GATD1: variants seen among roughly 807,000 people sequenced by gnomAD.
GATD1 encodes glutamine amidotransferase class 1 domain containing 1.
A neutral mutation model predicts 25.9 loss-of-function variants in GATD1; 23 were observed. The observed-to-expected ratio is 0.89, with a 90% CI of 0.64 to 1.26. The LOEUF (loss-of-function observed/expected upper bound fraction) is 1.26, where lower values mean the gene tolerates loss of function less well. Among genes scored for constraint, GATD1 ranks in the 50% most tolerant of loss-of-function variants. The pLI is 0.00. For missense variants in GATD1, 347 were observed against 312.5 expected, an observed-to-expected ratio of 1.11 and a Z score of -0.83; for synonymous variants, 177 against 134.6, an observed-to-expected ratio of 1.31 and a Z score of -2.18.
At chr11:776,728 G>T (rs1490415434) in intron 1 of GATD1, 5 of 152,344 alleles carry the variant, frequency 3.3e-5, no homozygotes, top group Non-Finnish European at 7.3e-5. Flanking sequence ...TCTCCAAAAG[G>T]CTCAGAACAA....
intron 5 of GATD1, among the ~76,000 whole-genome samples, chr11:771,660 G>A (rs1035223787): frequency 2.0e-5 from 3 of 152,208 alleles, no homozygotes; most frequent in African/African-American, 7.2e-5. Flanking sequence ...GGACGGGCCA[G>A]CTCCCCCAGC....
At chr11:773,711 G>C in intron 3 of GATD1, 82 bp from the exon 4 acceptor site, 1 of 1,049,710 alleles carries the variant, frequency 9.5e-7, no homozygotes, top group East Asian at 2.6e-5. Flanking sequence ...GCGTGGCCAG[G>C]ACAGACCCTC....
Position 773,642 on chromosome 11 carries a change from C to T in GATD1, c.248-13G>A, listed in dbSNP as rs1453247522. Reference sequence around the variant, plus strand: ...TGGTACCGGGCACCTGGGGGGAGACCACAAACCAGGTAGCAGCCACATGTC... The same window carrying T: ...TGGTACCGGGCACCTGGGGGGAGACTACAAACCAGGTAGCAGCCACATGTC... On this transcript the variant is annotated splice_polypyrimidine_tract_variant and intron_variant, in intron 3 of 7. Coordinates refer to ENST00000319863, the MANE Select transcript of GATD1 (RefSeq NM_182612.4). The T allele has an allele frequency of 6.3e-7, 1 of 1,587,818 alleles. No individual in the cohort carries two copies. Among genetic ancestry groups the T allele is most frequent in the Non-Finnish European group, 8.6e-7 (1 of 1,164,008 alleles).
In GATD1 at chr11:777,467, C is replaced by A. The variant is rs758515135; in HGVS notation, c.-5G>T. 2,433 of 1,234,060 alleles carry A rather than the reference C, an allele frequency of 2.0e-3. 6 individuals are homozygous for A. The highest frequency in any genetic ancestry group is 2.1e-3 in the Non-Finnish European group (2,025 of 986,398). 76.4% of individuals were successfully genotyped at this position (1,234,060 alleles called of 1,614,324 possible). A position where few individuals can be genotyped will look rare whatever the true frequency, so the allele number is the denominator to read the frequency against. Reference sequence around the variant, plus strand: ...AGGGAGCCGCTCGGACGCCATGGCTCGGGCTCGGCGCTGGGTCTGCGCGTG... The same window carrying A: ...AGGGAGCCGCTCGGACGCCATGGCTAGGGCTCGGCGCTGGGTCTGCGCGTG... On this transcript the variant is annotated 5_prime_UTR_variant, in exon 1 of 8. Transcript: ENST00000319863.
chr11:773,750 A>T, intron 3 of GATD1, 121 bp from the exon 4 acceptor site: 1 of 768,508 alleles, frequency 1.3e-6, no homozygotes, highest in Non-Finnish European at 2.1e-6. Flanking sequence ...TGGTGATGTC[A>T]TCTGTCCCTT....
At chr11:775,470 G>A (rs1338601677) in intron 1 of GATD1, among the ~76,000 whole-genome samples, 4 of 152,218 alleles carry the variant, frequency 2.6e-5, no homozygotes, top group Admixed American at 6.5e-5. Context: ...AGCTGGGAGA[G>A]GATGCAGCCC....
chr11:772,689 C>A, intron 4 of GATD1, 168 bp from the exon 5 acceptor site: 1 of 635,246 alleles, frequency 1.6e-6, no homozygotes, highest in East Asian at 2.7e-5. Flanking sequence ...TGGCTCAGCC[C>A]GCACAGCTGG....
At position 771,437 on chromosome 11, in the gene GATD1, G is replaced by C. The variant is rs373498394; in HGVS notation, c.451-11C>G. The C allele has an allele frequency of 2.0e-6, 3 of 1,519,372 alleles. No individual in the cohort carries two copies. Among genetic ancestry groups the C allele is most frequent in the East Asian group, 2.3e-5 (1 of 44,138 alleles). 94.1% of individuals were successfully genotyped at this position (1,519,372 alleles called of 1,614,324 possible). A position where few individuals can be genotyped will look rare whatever the true frequency, so the allele number is the denominator to read the frequency against. On this transcript the variant is annotated splice_polypyrimidine_tract_variant and intron_variant, in intron 5 of 7. Coordinates refer to ENST00000319863, the MANE Select transcript of GATD1 (RefSeq NM_182612.4). ...CTCACACACAGAGGGCTGCGGGAGC[G>C]GGGTGGGGGCTCCTGAGACAGGCCC...
chr11:774,817 C>T lies in GATD1; in HGVS notation c.141+249G>A, dbSNP rs142463833. On this transcript the variant is annotated intron_variant, in intron 2 of 7. Coordinates refer to ENST00000319863, the MANE Select transcript of GATD1 (RefSeq NM_182612.4). ...CGCACTCCAGCCTGGGCAACAAGAGCGAAACTCCATCTCAAAAAAAAAAGG... is the reference window on the plus strand; with the variant it reads ...CGCACTCCAGCCTGGGCAACAAGAGTGAAACTCCATCTCAAAAAAAAAAGG... 6.8e-3 allele frequency among the ~76,000 whole-genome samples: 1,026 copies of T among 151,894 alleles called. 14 individuals are homozygous for T. Among genetic ancestry groups the T allele is most frequent in the African/African-American group, 0.024 (984 of 41,416 alleles).
Position 769,272 on chromosome 11 carries a change from G to A in GATD1, c.*1625C>T, listed in dbSNP as rs952472671. ...TTCAGGGCGGGGATGTGGCTGCAGC[G>A]CTTCCTTCTTCCACTTTTTTCCAAA... On this transcript the variant is annotated 3_prime_UTR_variant, in exon 8 of 8. Transcript: ENST00000319863. 26 of 985,340 alleles carry A rather than the reference G, an allele frequency of 2.6e-5. No individual in the cohort carries two copies. The highest frequency in any genetic ancestry group is 2.5e-5 in the Non-Finnish European group (21 of 829,918). 61.0% of individuals were successfully genotyped at this position (985,340 alleles called of 1,614,324 possible). A position where few individuals can be genotyped will look rare whatever the true frequency, so the allele number is the denominator to read the frequency against.
At chr11:773,216 C>T (rs1863621691) in intron 4 of GATD1, 35 of 365,866 alleles carry the variant, frequency 9.6e-5, no homozygotes, top group South Asian at 9.3e-4. Context: ...CCAAGCCCAG[C>T]CCTGGATGCC....
intron 2 of GATD1, among the ~76,000 whole-genome samples, chr11:774,601 C>T (rs1333251664): frequency 1.3e-5 from 2 of 152,312 alleles, no homozygotes; most frequent in Non-Finnish European, 2.9e-5. Flanking sequence ...GAGGCCGAGG[C>T]GGGTGGGTCA....
intron 2 of GATD1, among the ~76,000 whole-genome samples, chr11:774,686 T>G (rs1863788129): frequency 6.6e-6 from 1 of 152,086 alleles, no homozygotes; most frequent in Admixed American, 6.6e-5. Context: ...CAAAATGAGC[T>G]GGGCGTGGTG....
chr11:773,930 G>T, intron 3 of GATD1, 78 bp downstream of exon 3: 3 of 1,334,340 alleles, frequency 2.2e-6, no homozygotes, highest in Non-Finnish European at 3.2e-6. Context: ...AGCTCACTAA[G>T]ACCCCAAACC....
rs1863122645 is a variant in GATD1, at chr11:767,517, C to T, written c.*3380G>A. 7.0e-7 allele frequency: 1 copy of T among 1,427,302 alleles called. No homozygotes were observed. Among genetic ancestry groups the T allele is most frequent in the Non-Finnish European group, 9.1e-7 (1 of 1,096,798 alleles). The allele number at this position is 1,427,302 out of a possible 1,614,324, so 88.4% of individuals were successfully genotyped here. On this transcript the variant is annotated 3_prime_UTR_variant, in exon 8 of 8. Transcript: ENST00000319863. ...CCGCGTCAGAACCCACTTCACATCC[C>T]AAAGCCCCACCTGCTTTGATCTTCA...
chr11:774,147 C>T, intron 2 of GATD1, 34 bp from the exon 3 acceptor site: 1 of 1,576,952 alleles, frequency 6.3e-7, no homozygotes, highest in Non-Finnish European at 8.7e-7. Context: ...CGAGGGTCAG[C>T]ACCAGGGATA....
chr11:774,441 G>C, intron 2 of GATD1, among the ~76,000 whole-genome samples: 1 of 152,346 alleles, frequency 6.6e-6, no homozygotes, highest in Middle Eastern at 3.4e-3. Context: ...TCAGAGGGTG[G>C]AGAATTCCTC....
At chr11:777,275 G>C in intron 1 of GATD1, 124 bp downstream of exon 1, 1 of 645,716 alleles carries the variant, frequency 1.5e-6, no homozygotes, top group Non-Finnish European at 2.1e-6. Context: ...CCCCTGCCCG[G>C]CGCCCCCAGC....
rs1400769791 is a variant in GATD1, at chr11:774,046, T to C, written c.209A>G (p.Lys70Arg). ...GAGCTTGGCGGGGCTGGCGTAAGCC[T>C]TGAGGCGGAAGTCTTGCACCCAGCG... is the stretch of plus-strand genomic sequence containing the variant. ...NARWVQDFRL[K>R]AYASPAKLES... Residue 70 changes from lysine to arginine, a missense_variant, in exon 3 of 8, where the codon AAG becomes AGG. Coordinates refer to ENST00000319863, the MANE Select transcript of GATD1 (RefSeq NM_182612.4). 6.2e-7 allele frequency: 1 copy of C among 1,613,658 alleles called. No individual in the cohort carries two copies. Among genetic ancestry groups the C allele is most frequent in the Admixed American group, 1.7e-5 (1 of 60,018 alleles).
Sources: gnomAD v4.1 joint callset for allele counts (sites outside exome capture counted in the v4.1 genomes callset) on GRCh38, gnomAD v4.1.1 for gene constraint, MANE v1.5 for transcripts, NCBI Gene and HGNC (gene_info 2026-07-23, HGNC 2026-07-21) for gene names.